The following RGS3 variants were observed in gnomAD, a reference collection of about 807,000 sequenced individuals.
The protein encoded by RGS3 is regulator of G protein signaling 3.
A neutral mutation model predicts 132.6 loss-of-function variants in RGS3; 80 were observed. That is an observed-to-expected ratio of 0.60 (90% CI 0.50 to 0.73). RGS3 has a LOEUF of 0.73. RGS3 is among the 30% of genes least tolerant of loss of function. The pLI is 0.00. For synonymous variants in RGS3, 598 were observed against 620.6 expected (o/e 0.96, Z 0.54); for missense variants, 1,382 against 1,530.8 (o/e 0.90, Z 1.62).
chr9:113,562,108 G>A (rs558016571), intron 19 of RGS3, among the ~76,000 whole-genome samples: 24 of 152,324 alleles, frequency 1.6e-4, no homozygotes, highest in Admixed American at 1.4e-3. Context: ...TTCATCTGTA[G>A]CCCTGAACTT....
At chr9:113,469,567 C>T (rs1274574147) in intron 3 of RGS3, among the ~76,000 whole-genome samples, 1 of 152,034 alleles carries the variant, frequency 6.6e-6, no homozygotes, top group Non-Finnish European at 1.5e-5. Context: ...AAAGTGTCCC[C>T]CCAATAATGT....
chr9:113,495,634 C>A, intron 7 of RGS3, 152 bp from the exon 6 acceptor site: 1 of 692,980 alleles, frequency 1.4e-6, no homozygotes, highest in Non-Finnish European at 2.6e-6. Flanking sequence ...CTCTATCCTG[C>A]CTCACAGAGT....
At chr9:113,527,950 T>C (rs1338744604) in intron 17 of RGS3, among the ~76,000 whole-genome samples, 10 of 152,180 alleles carry the variant, frequency 6.6e-5, no homozygotes, top group Non-Finnish European at 1.5e-4. Context: ...TGTGTAGTGG[T>C]AGGAGTGTGG....
intron 22 of RGS3, 50 bp from the exon 21 acceptor site, chr9:113,594,869 G>T: frequency 6.3e-7 from 1 of 1,575,410 alleles, no homozygotes. Context: ...TTCCCCCAAG[G>T]TTCCCAAGCC....
chr9:113,461,706 G>A lies in RGS3; in HGVS notation c.81-1G>A, dbSNP rs1053137132. 3.1e-6 allele frequency: 5 copies of A among 1,612,732 alleles called. No homozygotes were observed. Among genetic ancestry groups the A allele is most frequent in the Non-Finnish European group, 4.2e-6 (5 of 1,179,612 alleles). On this transcript the variant is annotated splice_acceptor_variant, in intron 1 of 24. Transcript: ENST00000350696. LOFTEE classifies it high-confidence loss of function. ...GTGGGCCTCGGTCTTTTCTCTCCTA[G>A]GTCACATTCAGACAGCACACCTTTG...
In RGS3 at chr9:113,506,056, A is replaced by G. The variant is rs1831115644; in HGVS notation, c.980-332A>G. Among the ~76,000 whole-genome samples the G allele has an allele frequency of 6.6e-6, 1 of 152,050 alleles. No individual in the cohort carries two copies. The highest frequency in any genetic ancestry group is 1.5e-5 in the Non-Finnish European group (1 of 68,014). ...AGAGAAGGAATAAATGTAGTGTGGG[A>G]GCCTGGCCCCAGGGAAGGTTCTCAA... On this transcript the variant is annotated intron_variant, in intron 11 of 24. Transcript: ENST00000350696. This position sits in a 1 kb window ranked among gnomAD's most constrained non-coding sequence, Gnocchi z 4.7.
chr9:113,463,842 C>T lies in RGS3; in HGVS notation c.415+1641C>T. On this transcript the variant is annotated intron_variant, in intron 3 of 24. Coordinates refer to ENST00000350696, the Ensembl canonical transcript of RGS3. The surrounding 1 kb of genome is among the most constrained non-coding windows in gnomAD (Gnocchi z 4.6). ...GCACCGCGTCTCCCTCGGGAGCCGGCGTGCCCACCCGGACTTGTCCTTCTA... is the reference window on the plus strand; with the variant it reads ...GCACCGCGTCTCCCTCGGGAGCCGGTGTGCCCACCCGGACTTGTCCTTCTA... 1 of 1,613,026 alleles carries T rather than the reference C, an allele frequency of 6.2e-7. No individual in the cohort carries two copies. Among genetic ancestry groups the T allele is most frequent in the African/African-American group, 1.3e-5 (1 of 75,026 alleles).
chr9:113,475,605 T>C (rs1829967554), intron 3 of RGS3, among the ~76,000 whole-genome samples: 1 of 152,138 alleles, frequency 6.6e-6, no homozygotes, highest in South Asian at 2.1e-4. Flanking sequence ...AGAAGGGCTC[T>C]TGCTGTATTG....
At position 113,577,597 on chromosome 9, in the gene RGS3, T is replaced by G. The variant is rs116105064; in HGVS notation, c.2038-5853T>G. On this transcript the variant is annotated intron_variant, in intron 19 of 24. Coordinates refer to ENST00000350696, the Ensembl canonical transcript of RGS3. ...TAGAGTTGGGGGTACTGATGGGATA[T>G]GCAGAAGGAGGTCTCCATCCATGTC... is the stretch of plus-strand genomic sequence containing the variant. Among the ~76,000 whole-genome samples the G allele has an allele frequency of 9.9e-3, 1,511 of 152,214 alleles. 22 individuals are homozygous for G. Among genetic ancestry groups the G allele is most frequent in the African/African-American group, 0.034 (1,427 of 41,502 alleles).
At chr9:113,475,353 G>T (rs1299579828) in intron 3 of RGS3, among the ~76,000 whole-genome samples, 1 of 152,100 alleles carries the variant, frequency 6.6e-6, no homozygotes, top group African/African-American at 2.4e-5. Context: ...GGGAGGAATG[G>T]GGAGTGTTGA....
chr9:113,581,972 C>G lies in RGS3; in HGVS notation c.2038-1478C>G, dbSNP rs541127148. The stretch of plus-strand genomic sequence containing the variant: ...AGGCCTCCCCTCCCTTGCCCAGCCA[C>G]CTTCTCTGCTCTGCAGGGCTCCACT... On this transcript the variant is annotated intron_variant, in intron 19 of 24. Transcript: ENST00000350696. 2.0e-4 allele frequency: 197 copies of G among 964,400 alleles called. No homozygotes were observed. The Admixed American group carries it at 3.0e-3, about 15-fold the overall frequency. 59.7% of individuals were successfully genotyped at this position (964,400 alleles called of 1,614,324 possible).
chr9:113,445,274 C>T (rs569840970), intron 1 of RGS3, among the ~76,000 whole-genome samples: 23 of 151,790 alleles, frequency 1.5e-4, no homozygotes, highest in Middle Eastern at 6.8e-3. Context: ...CTCGGCTCAC[C>T]GAAACCTCCG....
intron 19 of RGS3, among the ~76,000 whole-genome samples, chr9:113,540,207 C>T (rs1314097713): frequency 6.6e-6 from 1 of 152,166 alleles, no homozygotes; most frequent in Non-Finnish European, 1.5e-5. Context: ...AAACTCCCTG[C>T]ATGGGGACTG....
intron 18 of RGS3, 35 bp downstream of exon 16, chr9:113,529,299 C>G: frequency 2.6e-6 from 4 of 1,560,740 alleles, no homozygotes; most frequent in Non-Finnish European, 3.5e-6. Flanking sequence ...GGAGAGAGAT[C>G]TTCGACCTGG....
chr9:113,450,758 C>G (rs1829221835), intron 1 of RGS3, among the ~76,000 whole-genome samples: 1 of 152,060 alleles, frequency 6.6e-6, no homozygotes, highest in South Asian at 2.1e-4. Flanking sequence ...GAAGAGTTGT[C>G]AGAGAAGCAG....
chr9:113,536,102 G>A (rs1454351311), intron 18 of RGS3, among the ~76,000 whole-genome samples: 5 of 152,310 alleles, frequency 3.3e-5, no homozygotes, highest in Admixed American at 2.6e-4. Flanking sequence ...TTGGGGAGAC[G>A]AGACTGTAGT....
intron 17 of RGS3, among the ~76,000 whole-genome samples, chr9:113,524,613 C>G (rs1000792007): frequency 6.6e-6 from 1 of 152,198 alleles, no homozygotes; most frequent in Non-Finnish European, 1.5e-5. Context: ...AGTCTGGGAT[C>G]TGGGCGTGGT....
At position 113,515,395 on chromosome 9, in the gene RGS3, G is replaced by A. The variant is rs533507227; in HGVS notation, c.1674+741G>A. 2.6e-5 allele frequency among the ~76,000 whole-genome samples: 4 copies of A among 152,238 alleles called. No homozygotes were observed. In the East Asian group the frequency reaches 7.7e-4, roughly 29 times the overall value. On this transcript the variant is annotated intron_variant, in intron 15 of 24. Coordinates refer to ENST00000350696, the Ensembl canonical transcript of RGS3. ...GCCTGTAATCCCAGCACTTTGGGAG[G>A]CCTAGGTGGTGGATCACTTGAGGTC...
At chr9:113,509,569 G>A (rs1476914805) in intron 14 of RGS3, among the ~76,000 whole-genome samples, 1 of 152,172 alleles carries the variant, frequency 6.6e-6, no homozygotes, top group Non-Finnish European at 1.5e-5. Flanking sequence ...TGAGATATTG[G>A]TCTTGAGGCT....
Sources: gnomAD v4.1 joint callset for allele counts (sites outside exome capture counted in the v4.1 genomes callset) on GRCh38, gnomAD v4.1.1 for gene constraint, Gnocchi (gnomAD v3.1) non-coding constraint, MANE v1.5 for transcripts, NCBI Gene and HGNC (gene_info 2026-07-23, HGNC 2026-07-21) for gene names.